The following CPNE4 variants were observed in gnomAD, a reference collection of about 807,000 sequenced individuals.
The protein encoded by CPNE4 is copine 4, also known as copine-4.
A neutral mutation model predicts 67.9 loss-of-function variants in CPNE4; 25 were observed. The observed-to-expected ratio is 0.37, with a 90% confidence interval of 0.27 to 0.51. The LOEUF (loss-of-function observed/expected upper bound fraction) is 0.51, where lower values mean the gene tolerates loss of function less well. Ranked by LOEUF, CPNE4 falls within the 20% of genes least tolerant of loss-of-function variation. The probability of loss-of-function intolerance (pLI) is 0.93; values close to 1 mark genes in which losing one functional copy is unlikely to be tolerated. For synonymous variants in CPNE4, 242 were observed against 244.9 expected, an observed-to-expected ratio of 0.99 and a Z score of 0.11; for missense variants, 464 against 690.8, an observed-to-expected ratio of 0.67 and a Z score of 3.68.
intron 1 of CPNE4, among the ~76,000 whole-genome samples, chr3:131,926,793 A>G (rs2070907573): frequency 1.3e-5 from 2 of 152,154 alleles, no homozygotes; most frequent in African/African-American, 4.8e-5. Context: ...AAATTCCTTT[A>G]ATACCCTAGA....
chr3:131,887,244 C>T (rs558119150), intron 2 of CPNE4, among the ~76,000 whole-genome samples: 1 of 152,286 alleles, frequency 6.6e-6, no homozygotes, highest in East Asian at 1.9e-4. Flanking sequence ...GCTTTTGCGT[C>T]TTCGTCATTC....
intron 7 of CPNE4, among the ~76,000 whole-genome samples, chr3:131,643,880 G>T (rs147326925): frequency 2.6e-5 from 4 of 151,984 alleles, no homozygotes; most frequent in African/African-American, 9.7e-5. Flanking sequence ...CTCTCCTTCC[G>T]CCACAATTGT....
intron 10 of CPNE4, among the ~76,000 whole-genome samples, chr3:131,569,574 G>A (rs1280678994): frequency 2.7e-5 from 4 of 150,922 alleles, no homozygotes; most frequent in Non-Finnish European, 4.4e-5. Context: ...GGAGTTTAAG[G>A]TTACAGTGAG....
chr3:132,011,659 G>C (rs968113267), intron 1 of CPNE4, among the ~76,000 whole-genome samples: 1 of 152,168 alleles, frequency 6.6e-6, no homozygotes, highest in Non-Finnish European at 1.5e-5. Flanking sequence ...ATAGCTATGA[G>C]AGAATAGGGC....
chr3:131,743,633 C>T (rs997851852), intron 2 of CPNE4, among the ~76,000 whole-genome samples: 2 of 152,072 alleles, frequency 1.3e-5, no homozygotes, highest in African/African-American at 4.8e-5. Context: ...TGTAATTAAT[C>T]ACATCAATAC....
chr3:131,559,533 A>T lies in CPNE4; in HGVS notation c.1062-3982T>A, dbSNP rs746696168. On this transcript the variant is annotated intron_variant, in intron 11 of 15. Coordinates refer to ENST00000429747, the MANE Select transcript of CPNE4 (RefSeq NM_130808.3). The stretch of plus-strand genomic sequence containing the variant: ...TTTATGTTCTTTTGATCAATTATGC[A>T]CTAGTAATAATTGTAATAAAAGCTC... 3.9e-5 allele frequency among the ~76,000 whole-genome samples: 6 copies of T among 152,156 alleles called. No homozygotes were observed. In the South Asian group the frequency reaches 8.3e-4, roughly 21 times the overall value.
chr3:131,536,772 A>G (rs1296009103), intron 15 of CPNE4, among the ~76,000 whole-genome samples: 1 of 152,224 alleles, frequency 6.6e-6, no homozygotes, highest in African/African-American at 2.4e-5. Flanking sequence ...TTTATTTTAT[A>G]AATAACTGCT....
chr3:131,723,538 G>T lies in CPNE4; in HGVS notation c.268C>A (p.Arg90Ser). Reference sequence around the variant, plus strand: ...ATGTCATGGACTTCAAACCGCAGGCGCTGCACCTCCTCAAAGTAAAAGTCC... The same window carrying T: ...ATGTCATGGACTTCAAACCGCAGGCTCTGCACCTCCTCAAAGTAAAAGTCC... ...TVDFYFEEVQRLRFEVHDISS... is the reference protein window; with the variant it reads ...TVDFYFEEVQSLRFEVHDISS... Residue 90 changes from arginine to serine, a missense_variant, in exon 3 of 16, where the codon CGC becomes AGC. By Grantham distance (110) the Arg-to-Ser change is moderately radical. This residue lies in a region of CPNE4 where 170 missense variants were observed against 203.3 expected (regional missense o/e 0.84). Transcript: ENST00000429747. The T allele has an allele frequency of 1.2e-6, 2 of 1,614,026 alleles. No individual in the cohort carries two copies. Among genetic ancestry groups the T allele is most frequent in the African/African-American group, 1.3e-5 (1 of 75,038 alleles).
chr3:131,957,994 C>A (rs968191288), intron 1 of CPNE4, among the ~76,000 whole-genome samples: 2 of 152,064 alleles, frequency 1.3e-5, no homozygotes, highest in Non-Finnish European at 2.9e-5. Context: ...TTAAAGAATA[C>A]CTGAGAGTTT....
chr3:131,968,009 T>C (rs977614865), intron 1 of CPNE4, among the ~76,000 whole-genome samples: 11 of 151,946 alleles, frequency 7.2e-5, no homozygotes, highest in Non-Finnish European at 1.5e-4. Context: ...CCAAAACACA[T>C]ATATAGACCA....
At chr3:131,768,332 C>T (rs1168235063) in intron 2 of CPNE4, among the ~76,000 whole-genome samples, 2 of 152,110 alleles carry the variant, frequency 1.3e-5, no homozygotes, top group East Asian at 3.9e-4. Flanking sequence ...AAACTGCATA[C>T]AGCAGAGACT....
chr3:131,669,979 C>T (rs1566692), intron 6 of CPNE4, among the ~76,000 whole-genome samples: 140,269 of 152,246 alleles, frequency 0.92, 65,051 homozygotes, highest in Middle Eastern at 0.97. Context: ...CTGTCCTGGC[C>T]GTTGTTTCAT....
intron 2 of CPNE4, among the ~76,000 whole-genome samples, chr3:131,786,017 TA>T (rs1220651400): frequency 6.6e-6 from 1 of 152,138 alleles, no homozygotes; most frequent in Admixed American, 6.6e-5. Flanking sequence ...GTAACTTCCA[TA>T]TCTATGGAGG....
intron 2 of CPNE4, among the ~76,000 whole-genome samples, chr3:131,843,983 G>A (rs2085897176): frequency 6.6e-6 from 1 of 152,142 alleles, no homozygotes; most frequent in Non-Finnish European, 1.5e-5. Flanking sequence ...GGATAGAGCT[G>A]CTAGAAGATG....
At chr3:131,700,551 T>C (rs1235738811) in intron 3 of CPNE4, among the ~76,000 whole-genome samples, 1 of 152,218 alleles carries the variant, frequency 6.6e-6, no homozygotes, top group East Asian at 1.9e-4. Context: ...ACAACTAAAA[T>C]CATCATCATA....
chr3:131,917,820 A>G (rs2070611340), intron 1 of CPNE4, among the ~76,000 whole-genome samples: 1 of 152,186 alleles, frequency 6.6e-6, no homozygotes, highest in Non-Finnish European at 1.5e-5. Flanking sequence ...TTATCAGATG[A>G]GTAGGAAATC....
chr3:131,794,528 C>G (rs528508507), intron 2 of CPNE4, among the ~76,000 whole-genome samples: 11 of 152,214 alleles, frequency 7.2e-5, no homozygotes, highest in Non-Finnish European at 1.2e-4. Context: ...CTGGCGTGAG[C>G]CACCACACCC....
chr3:131,715,995 A>T (rs2081676072), intron 3 of CPNE4, among the ~76,000 whole-genome samples: 1 of 152,094 alleles, frequency 6.6e-6, no homozygotes, highest in Admixed American at 6.5e-5. Flanking sequence ...CCCCTCATCC[A>T]TCTGTCAAGA....
chr3:131,828,195 C>T (rs1466414643), intron 2 of CPNE4, among the ~76,000 whole-genome samples: 1 of 152,070 alleles, frequency 6.6e-6, no homozygotes, highest in Non-Finnish European at 1.5e-5. Context: ...CATTGAGAGT[C>T]TAATTTACCT....
Sources: allele counts gnomAD v4.1 joint callset (sites outside exome capture counted in the v4.1 genomes callset), GRCh38; gene constraint gnomAD v4.1.1; regional missense constraint gnomAD v4.1.1; transcripts MANE v1.5; gene names NCBI Gene and HGNC (gene_info 2026-07-23, HGNC 2026-07-21).